CFAP70: variants seen among roughly 807,000 people sequenced by gnomAD.
The protein encoded by CFAP70 is cilia- and flagella-associated protein 70.
In CFAP70, 81 loss-of-function variants were observed where a neutral mutation model predicts 137.6. The observed-to-expected ratio is 0.59, with a 90% CI of 0.49 to 0.71. The LOEUF is 0.71. Among genes scored for constraint, CFAP70 ranks in the 30% least tolerant of loss-of-function variants. The pLI, the probability that CFAP70 is intolerant of heterozygous loss-of-function variation, is 0.00. For synonymous variants in CFAP70, 382 were observed against 423.6 expected, an observed-to-expected ratio of 0.90 and a Z score of 1.20; for missense variants, 976 against 1,226.7, an observed-to-expected ratio of 0.80 and a Z score of 3.05.
intron 8 of CFAP70, among the ~76,000 whole-genome samples, chr10:73,329,606 C>G (rs1003633178): frequency 1.3e-5 from 2 of 152,070 alleles, no homozygotes; most frequent in African/African-American, 2.4e-5. Context: ...ACCAAAAAGT[C>G]AATTTCACCA....
chr10:73,339,687 G>A (rs575761001), intron 6 of CFAP70, among the ~76,000 whole-genome samples: 12 of 152,336 alleles, frequency 7.9e-5, no homozygotes, highest in East Asian at 5.8e-4. Context: ...AGCTCCAGGC[G>A]TCAGCACAGG....
rs187987865 is a variant in CFAP70 at position 73,270,258 on chromosome 10, C to G, written c.2926-543G>C. ...GCAATCAATGCAGTATTCAGAAACTCTAGGGTGCACTCTGGGCTCTGGGCA... is the reference window on the plus strand; with the variant it reads ...GCAATCAATGCAGTATTCAGAAACTGTAGGGTGCACTCTGGGCTCTGGGCA... On this transcript the variant is annotated intron_variant, in intron 24 of 26. Transcript: ENST00000310715. 1.8e-3 allele frequency among the ~76,000 whole-genome samples: 276 copies of G among 152,200 alleles called. 2 individuals are homozygous for G. Among genetic ancestry groups the G allele is most frequent in the African/African-American group, 6.4e-3 (266 of 41,534 alleles).
At chr10:73,287,645 C>G (rs1260585749) in intron 19 of CFAP70, among the ~76,000 whole-genome samples, 3 of 152,006 alleles carry the variant, frequency 2.0e-5, no homozygotes, top group African/African-American at 7.3e-5. Context: ...AATGAGGAAG[C>G]AAAGTATGAA....
intron 12 of CFAP70, among the ~76,000 whole-genome samples, chr10:73,305,287 G>A (rs919663391): frequency 3.3e-5 from 5 of 152,200 alleles, no homozygotes; most frequent in South Asian, 2.1e-4. Flanking sequence ...GCTGTTTGGG[G>A]CAAAGCATTA....
intron 6 of CFAP70, among the ~76,000 whole-genome samples, chr10:73,338,665 G>A (rs747741483): frequency 3.3e-5 from 5 of 151,794 alleles, no homozygotes; most frequent in Non-Finnish European, 5.9e-5. Flanking sequence ...TCCTAACCTT[G>A]TGATCCACCC....
chr10:73,277,302 A>C (rs1455879618), exon 21 of CFAP70: 8 of 1,614,034 alleles, frequency 5.0e-6, no homozygotes, highest in Non-Finnish European at 6.8e-6. Flanking sequence ...GTAGTTTGAG[A>C]AACACCATAA....
At chr10:73,311,708 A>C (rs2049935079) in intron 11 of CFAP70, 126 bp downstream of exon 12, 1 of 810,356 alleles carries the variant, frequency 1.2e-6, no homozygotes, top group African/African-American at 1.7e-5. Flanking sequence ...AGTCATAGAC[A>C]ACTAGTCATG....
intron 12 of CFAP70, among the ~76,000 whole-genome samples, chr10:73,301,664 C>A (rs1353662941): frequency 6.6e-6 from 1 of 152,124 alleles, no homozygotes; most frequent in Non-Finnish European, 1.5e-5. Context: ...GGGATTTCAA[C>A]TTTTGGGGTA....
intron 4 of CFAP70, 35 bp downstream of exon 5, chr10:73,348,121 C>A (rs2053876376): frequency 6.3e-7 from 1 of 1,582,674 alleles, no homozygotes; most frequent in African/African-American, 1.3e-5. Flanking sequence ...CATTGAATGG[C>A]AGGCTGAAAT....
intron 12 of CFAP70, among the ~76,000 whole-genome samples, chr10:73,301,420 T>A (rs1200045305): frequency 6.6e-6 from 1 of 152,186 alleles, no homozygotes; most frequent in Non-Finnish European, 1.5e-5. Flanking sequence ...GTTTTGACAA[T>A]GAAATATTAT....
At chr10:73,256,607 T>A (rs12240572) in intron 25 of CFAP70, among the ~76,000 whole-genome samples, 191 bp from the exon 27 acceptor site, 17,149 of 151,504 alleles carry the variant, frequency 0.11, 1,426 homozygotes, top group East Asian at 0.39. Flanking sequence ...GTTTTTTTTT[T>A]AAAAAATTCC....
intron 14 of CFAP70, 126 bp downstream of exon 15, chr10:73,298,781 C>A: frequency 1.3e-6 from 1 of 762,642 alleles, no homozygotes; most frequent in South Asian, 1.9e-5. Flanking sequence ...GAGAACTTAG[C>A]TCTTTGCCCC....
intron 1 of CFAP70, among the ~76,000 whole-genome samples, chr10:73,358,026 A>G (rs1039949214): frequency 1.3e-5 from 2 of 152,242 alleles, no homozygotes; most frequent in Admixed American, 1.3e-4. Flanking sequence ...TCTAAGCCTC[A>G]GTTTCACCTT....
At chr10:73,298,762 T>G in intron 14 of CFAP70, 145 bp downstream of exon 15, 1 of 634,346 alleles carries the variant, frequency 1.6e-6, no homozygotes. Flanking sequence ...CTCCTGACAC[T>G]CTATCATAGA....
At chr10:73,278,566 G>C (rs570751399) in intron 19 of CFAP70, among the ~76,000 whole-genome samples, 1 of 152,210 alleles carries the variant, frequency 6.6e-6, no homozygotes, top group East Asian at 1.9e-4. Context: ...CATGCTGCTA[G>C]TCCAAGTCAT....
At chr10:73,350,205 C>A (rs2054078690) in intron 3 of CFAP70, among the ~76,000 whole-genome samples, 1 of 152,140 alleles carries the variant, frequency 6.6e-6, no homozygotes, top group Non-Finnish European at 1.5e-5. Flanking sequence ...AATGTCACAC[C>A]TTCTAGATTT....
intron 12 of CFAP70, among the ~76,000 whole-genome samples, chr10:73,303,116 C>T (rs1362741223): frequency 6.6e-6 from 1 of 152,058 alleles, no homozygotes; most frequent in Non-Finnish European, 1.5e-5. Context: ...AGGCTAGTCT[C>T]AAACTTCTGA....
intron 24 of CFAP70, among the ~76,000 whole-genome samples, chr10:73,270,011 G>A (rs752659259): frequency 1.3e-5 from 2 of 152,080 alleles, no homozygotes; most frequent in Non-Finnish European, 2.9e-5. Context: ...TATAAACCAT[G>A]GAGTTTCAGG....
chr10:73,322,835 A>G, intron 9 of CFAP70, 128 bp downstream of exon 10: 1 of 764,712 alleles, frequency 1.3e-6, no homozygotes, highest in East Asian at 2.9e-5. Context: ...GTAAGGCTAT[A>G]TATTTAATAT....
Sources: gnomAD v4.1 joint callset for allele counts (sites outside exome capture counted in the v4.1 genomes callset) on GRCh38, gnomAD v4.1.1 for gene constraint, MANE v1.5 for transcripts, NCBI Gene and HGNC (gene_info 2026-07-23, HGNC 2026-07-21) for gene names.